The following NBAS variants were observed in gnomAD, a reference collection of about 807,000 sequenced individuals.
NBAS encodes NBAS subunit of NRZ tethering complex.
NBAS carries 219 observed loss-of-function variants against 302.5 expected under a neutral mutation model. That is an observed-to-expected ratio of 0.72 (90% confidence interval 0.65 to 0.81). The LOEUF is 0.81. Ranked by LOEUF, NBAS falls within the 30% of genes least tolerant of loss-of-function variation. The pLI, the probability that NBAS is intolerant of heterozygous loss-of-function variation, is 0.00. For missense variants in NBAS, 2,932 were observed against 2,841.6 expected, an observed-to-expected ratio of 1.03 and a Z score of -0.72; for synonymous variants, 1,118 against 1,021.6, an observed-to-expected ratio of 1.09 and a Z score of -1.80.
chr2:14,918,359 A>T, the NBAS span, among the ~76,000 whole-genome samples: 3 of 151,956 alleles, frequency 2.0e-5, no homozygotes, highest in East Asian at 3.9e-4. Context: ...ATCTTGGGGC[A>T]TGATCTCCAT....
At chr2:15,440,226 G>A (rs1161842509) in intron 21 of NBAS, among the ~76,000 whole-genome samples, 3 of 152,228 alleles carry the variant, frequency 2.0e-5, no homozygotes, top group Non-Finnish European at 4.4e-5. Flanking sequence ...CCTGACCCCT[G>A]ACCCCCGAGC....
chr2:15,149,306 G>A, the NBAS span, among the ~76,000 whole-genome samples: 1 of 152,166 alleles, frequency 6.6e-6, no homozygotes, highest in Non-Finnish European at 1.5e-5. Context: ...CTTGCCAGAT[G>A]TGGACCTCTG....
intron 21 of NBAS, among the ~76,000 whole-genome samples, chr2:15,459,893 T>C (rs901513415): frequency 2.6e-5 from 4 of 152,158 alleles, no homozygotes; most frequent in African/African-American, 9.7e-5. Context: ...TTAAAGTAAA[T>C]ACGGGTTCAA....
the NBAS span, among the ~76,000 whole-genome samples, chr2:14,895,041 C>T: frequency 6.6e-5 from 10 of 152,038 alleles, no homozygotes; most frequent in Admixed American, 3.9e-4. Context: ...GGTGACAGAG[C>T]GAGACTCCAA....
the NBAS span, among the ~76,000 whole-genome samples, chr2:14,821,982 G>A: frequency 5.7e-3 from 861 of 152,048 alleles, 5 homozygotes; most frequent in African/African-American, 0.018. Context: ...GCAGTGAGCC[G>A]AGATTGCACC....
the NBAS span, among the ~76,000 whole-genome samples, chr2:14,895,718 T>C: frequency 8.3e-3 from 1,170 of 140,522 alleles, 14 homozygotes; most frequent in South Asian, 0.011. Flanking sequence ...CCAGCCTGGG[T>C]GACAGAGCGA....
At chr2:15,141,380 C>T in the NBAS span, among the ~76,000 whole-genome samples, 1 of 152,198 alleles carries the variant, frequency 6.6e-6, no homozygotes. Context: ...GCAATCACAG[C>T]ACCCGTTTTA....
chr2:14,995,802 A>T, the NBAS span, among the ~76,000 whole-genome samples: 1 of 151,954 alleles, frequency 6.6e-6, no homozygotes, highest in South Asian at 2.1e-4. Context: ...GCTCATGGTA[A>T]CCTTGAACTC....
chr2:14,784,352 T>C, the NBAS span, among the ~76,000 whole-genome samples: 1 of 152,242 alleles, frequency 6.6e-6, no homozygotes, highest in Non-Finnish European at 1.5e-5. Flanking sequence ...TTGGCTTTTG[T>C]TGCCACTGCT....
the NBAS span, among the ~76,000 whole-genome samples, chr2:14,937,146 T>G: frequency 6.6e-6 from 1 of 152,106 alleles, no homozygotes; most frequent in Non-Finnish European, 1.5e-5. Flanking sequence ...AGAGGGAGAC[T>G]TTGCTGGTCA....
At chr2:15,396,016 T>C (rs773482612) in intron 27 of NBAS, among the ~76,000 whole-genome samples, 4 of 152,128 alleles carry the variant, frequency 2.6e-5, no homozygotes, top group Non-Finnish European at 5.9e-5. Context: ...TAATAAACAT[T>C]GTCTGCTGAT....
At chr2:15,162,511 T>C (rs984700580), downstream of NBAS, among the ~76,000 whole-genome samples, 1 of 152,236 alleles carries the variant, frequency 6.6e-6, no homozygotes, top group Non-Finnish European at 1.5e-5. Context: ...GTCAGAGTTA[T>C]TTTTCATTTT....
intron 9 of NBAS, among the ~76,000 whole-genome samples, chr2:15,523,345 G>T (rs1662767695): frequency 6.6e-6 from 1 of 152,142 alleles, no homozygotes; most frequent in Admixed American, 6.5e-5. Context: ...AAAAAAAATG[G>T]ATGGTTGCAT....
chr2:15,403,691 C>G (rs542442946), intron 25 of NBAS, among the ~76,000 whole-genome samples: 204 of 152,114 alleles, frequency 1.3e-3, no homozygotes, highest in African/African-American at 4.6e-3. Flanking sequence ...GCAATCCCCC[C>G]CAGATACTGA....
chr2:15,167,098 C>T lies in NBAS; in HGVS notation c.7066G>A (p.Ala2356Thr). 1 of 1,612,586 alleles carries T rather than the reference C, an allele frequency of 6.2e-7. No individual in the cohort carries two copies. The highest frequency in any genetic ancestry group is 2.2e-5 in the East Asian group (1 of 44,852). ...LLLAVRGTHQ[A>T]FRTFSTALRA... ...AGGGCTGTACTGAAGGTTCTGAAGG[C>T]CTGGTGAGTCCCCCTCACGGCCAGA... The change falls in exon 52 of 52, where the codon GCC (alanine) becomes ACC (threonine). Residue 2356 changes from alanine (A) to threonine (T), a missense_variant. Transcript: ENST00000281513.
the NBAS span, among the ~76,000 whole-genome samples, chr2:14,789,165 C>G: frequency 6.6e-6 from 1 of 152,154 alleles, no homozygotes; most frequent in Non-Finnish European, 1.5e-5. Flanking sequence ...CCTGGTGTGC[C>G]GTTTTTTAAG....
chr2:15,531,019 C>A (rs184350372), intron 9 of NBAS, among the ~76,000 whole-genome samples: 1 of 152,056 alleles, frequency 6.6e-6, no homozygotes, highest in Non-Finnish European at 1.5e-5. Context: ...GAAAATAGAA[C>A]AATACCTTCA....
chr2:14,904,571 G>T, the NBAS span, among the ~76,000 whole-genome samples: 635 of 92,754 alleles, frequency 6.8e-3, 8 homozygotes, highest in Middle Eastern at 0.016. Flanking sequence ...GTCACAGTCA[G>T]CTGTGACTCA....
intron 12 of NBAS, among the ~76,000 whole-genome samples, chr2:15,481,709 C>A (rs1447766298): frequency 1.3e-5 from 2 of 152,216 alleles, no homozygotes; most frequent in Non-Finnish European, 2.9e-5. Flanking sequence ...AACAGCATTG[C>A]ATGTTGAGTA....
Sources: gnomAD v4.1 joint callset for allele counts (sites outside exome capture counted in the v4.1 genomes callset) on GRCh38, gnomAD v4.1.1 for gene constraint, MANE v1.5 for transcripts, NCBI Gene and HGNC (gene_info 2026-07-23, HGNC 2026-07-21) for gene names.